The following ITCH variants were observed in gnomAD, a reference collection of about 807,000 sequenced individuals.
The protein encoded by ITCH is E3 ubiquitin-protein ligase Itchy homolog.
In ITCH, 28 loss-of-function variants were observed where a neutral mutation model predicts 126.8. The observed-to-expected ratio is 0.22, with a 90% confidence interval of 0.16 to 0.30. The LOEUF is 0.30. Among genes scored for constraint, ITCH ranks in the 10% least tolerant of loss-of-function variants. The probability of loss-of-function intolerance (pLI) is 1.00; values close to 1 mark genes in which losing one functional copy is unlikely to be tolerated. For synonymous variants in ITCH, 342 were observed against 340.0 expected (o/e 1.01, Z -0.06); for missense variants, 631 against 1,032.4 (o/e 0.61, Z 5.33).
chr20:34,407,516 GC>G (rs1978324192), intron 3 of ITCH, among the ~76,000 whole-genome samples: 1 of 152,112 alleles, frequency 6.6e-6, no homozygotes, highest in African/African-American at 2.4e-5. Flanking sequence ...TGATCCACCC[GC>G]CTCAGTCTCC....
At position 34,489,871 on chromosome 20, in the gene ITCH, A is replaced by G; in HGVS notation, c.2264A>G (p.His755Arg). Residue 755 changes from histidine to arginine, a missense_variant, in exon 22 of 25, where the codon CAT (histidine) becomes CGT (arginine). His to Arg is a conservative substitution (Grantham distance 29, BLOSUM62 0). Transcript: ENST00000374864. ...QEIDLNDWQR[H>R]AIYRHYARTS... ...ATTGATTTGAATGACTGGCAAAGACATGCCATCTACCGTCATTATGCAAGG... is the reference window on the plus strand; with the variant it reads ...ATTGATTTGAATGACTGGCAAAGACGTGCCATCTACCGTCATTATGCAAGG... 6.2e-7 allele frequency: 1 copy of G among 1,614,018 alleles called. No individual in the cohort carries two copies. The highest frequency in any genetic ancestry group is 8.5e-7 in the Non-Finnish European group (1 of 1,179,916).
chr20:34,371,155 C>A (rs1366455187), intron 2 of ITCH, among the ~76,000 whole-genome samples: 4 of 121,322 alleles, frequency 3.3e-5, no homozygotes, highest in African/African-American at 9.6e-5. Context: ...GCAACAGAGC[C>A]AGACTCCGTC....
At chr20:34,439,550 A>G (rs1325128526) in intron 8 of ITCH, among the ~76,000 whole-genome samples, 2 of 152,236 alleles carry the variant, frequency 1.3e-5, no homozygotes, top group Non-Finnish European at 2.9e-5. Context: ...TGTGGGAGTT[A>G]CGGGCGTAAG....
intron 3 of ITCH, among the ~76,000 whole-genome samples, chr20:34,396,537 T>G (rs2038683480): frequency 6.6e-6 from 1 of 151,872 alleles, no homozygotes; most frequent in Admixed American, 6.6e-5. Flanking sequence ...CAGGTGACAG[T>G]CTGCTCTGTC....
chr20:34,431,267 G>T (rs1190980995), intron 7 of ITCH, among the ~76,000 whole-genome samples: 1 of 152,054 alleles, frequency 6.6e-6, no homozygotes, highest in East Asian at 1.9e-4. Context: ...TAAAAAATTA[G>T]CCAGGTGAGG....
chr20:34,379,983 G>A (rs929671580), intron 2 of ITCH, among the ~76,000 whole-genome samples: 13 of 135,214 alleles, frequency 9.6e-5, no homozygotes, highest in Non-Finnish European at 1.7e-4. Flanking sequence ...TGCAACCTCC[G>A]CCTCCCAGGT....
intron 6 of ITCH, among the ~76,000 whole-genome samples, chr20:34,416,164 C>A (rs1271736940): frequency 6.6e-6 from 1 of 151,878 alleles, no homozygotes; most frequent in African/African-American, 2.4e-5. Flanking sequence ...TCTGGGAGGC[C>A]GAGGCAGGCG....
At chr20:34,451,316 C>A in intron 12 of ITCH, among the ~76,000 whole-genome samples, 1 of 151,798 alleles carries the variant, frequency 6.6e-6, no homozygotes, top group African/African-American at 2.4e-5. Flanking sequence ...AGAAATTAGC[C>A]AGGCATGGTG....
intron 23 of ITCH, among the ~76,000 whole-genome samples, chr20:34,494,508 A>T (rs968303232): frequency 1.3e-5 from 2 of 152,166 alleles, no homozygotes; most frequent in Admixed American, 1.3e-4. Context: ...AATTATTCTT[A>T]ATTGACATAA....
intron 10 of ITCH, among the ~76,000 whole-genome samples, chr20:34,443,858 T>C (rs1239031715): frequency 6.6e-6 from 1 of 152,106 alleles, no homozygotes; most frequent in Non-Finnish European, 1.5e-5. Flanking sequence ...TGGTGGCATG[T>C]ACCTGTAGTC....
chr20:34,380,954 A>C (rs553888052), intron 2 of ITCH, among the ~76,000 whole-genome samples: 2 of 151,438 alleles, frequency 1.3e-5, no homozygotes, highest in Non-Finnish European at 2.9e-5. Flanking sequence ...CACCTGGGTA[A>C]TTTTTGTATT....
At chr20:34,417,442 C>G (rs1232448896) in intron 6 of ITCH, among the ~76,000 whole-genome samples, 1 of 146,296 alleles carries the variant, frequency 6.8e-6, no homozygotes, top group African/African-American at 2.6e-5. Context: ...TCTTGTTGCC[C>G]AGGCTGGAGT....
intron 3 of ITCH, among the ~76,000 whole-genome samples, chr20:34,401,431 G>C (rs994780636): frequency 2.0e-5 from 3 of 152,088 alleles, no homozygotes; most frequent in African/African-American, 7.2e-5. Context: ...GCAAGCAAAT[G>C]TCCTTGAAAG....
At chr20:34,411,809 A>G (rs984983907) in intron 4 of ITCH, among the ~76,000 whole-genome samples, 3 of 152,192 alleles carry the variant, frequency 2.0e-5, no homozygotes, top group Non-Finnish European at 4.4e-5. Flanking sequence ...TTCTACGTGT[A>G]TTGCAAATTC....
chr20:34,397,477 A>G (rs558287718), intron 3 of ITCH, among the ~76,000 whole-genome samples: 2 of 152,222 alleles, frequency 1.3e-5, no homozygotes, highest in African/African-American at 4.8e-5. Context: ...CATCCCCTGT[A>G]TTTTAGTTTC....
At chr20:34,470,748 A>G (rs1047923355) in intron 15 of ITCH, among the ~76,000 whole-genome samples, 1 of 151,914 alleles carries the variant, frequency 6.6e-6, no homozygotes, top group Non-Finnish European at 1.5e-5. Context: ...GCACTTCACC[A>G]CACCTGGCTA....
intron 10 of ITCH, 58 bp from the exon 11 acceptor site, chr20:34,445,228 AT>A (rs1984288750): frequency 6.4e-7 from 1 of 1,572,018 alleles, no homozygotes; most frequent in Admixed American, 1.7e-5. Context: ...AAAATATTCT[AT>A]CTGTTTCACA....
intron 12 of ITCH, among the ~76,000 whole-genome samples, chr20:34,455,079 C>T (rs1405823871): frequency 1.3e-5 from 2 of 152,116 alleles, no homozygotes; most frequent in Non-Finnish European, 2.9e-5. Context: ...ATCCGCCTGC[C>T]TTATAACTCC....
Position 34,399,569 on chromosome 20 carries a change from G to A in ITCH, c.70+5688G>A, listed in dbSNP as rs528924350. On this transcript the variant is annotated intron_variant, in intron 3 of 24. Coordinates refer to ENST00000374864, the MANE Select transcript of ITCH (RefSeq NM_031483.7). ...TTAAGGGACAGGGTTGGCCGGGCAT[G>A]GTGGCTCATGCCTGTAATCCCAGCA... Among the ~76,000 whole-genome samples the A allele has an allele frequency of 3.3e-5, 5 of 152,026 alleles. No individual in the cohort carries two copies. In the South Asian group the frequency reaches 1.0e-3, roughly 32 times the overall value.
Sources: gnomAD v4.1 joint callset for allele counts (sites outside exome capture counted in the v4.1 genomes callset) on GRCh38, gnomAD v4.1.1 for gene constraint, MANE v1.5 for transcripts, NCBI Gene and HGNC (gene_info 2026-07-23, HGNC 2026-07-21) for gene names.